Variants in RUFY3 observed in about 807,000 individuals in gnomAD.
The protein encoded by RUFY3 is protein RUFY3.
In RUFY3, 34 loss-of-function variants were observed where a neutral mutation model predicts 84.0. The observed-to-expected ratio is 0.40, with a 90% CI of 0.31 to 0.54. The LOEUF (loss-of-function observed/expected upper bound fraction) is 0.54. RUFY3 is among the 20% of genes least tolerant of loss of function. RUFY3 has a pLI of 0.39. For synonymous variants in RUFY3, 242 were observed against 252.9 expected, an observed-to-expected ratio of 0.96 and a Z score of 0.41; for missense variants, 507 against 736.8, an observed-to-expected ratio of 0.69 and a Z score of 3.61.
In RUFY3 at chr4:70,778,377, T is replaced by C. The variant is rs1322308902; in HGVS notation, c.833T>C (p.Val278Ala). The C allele has an allele frequency of 2.5e-6, 4 of 1,592,040 alleles. No homozygotes were observed. In the East Asian group the frequency reaches 9.0e-5, roughly 36 times the overall value. Residue 278 changes from valine to alanine, a missense_variant, in exon 8 of 18, where the codon GTA becomes GCA. By Grantham distance (64) the Val-to-Ala change is moderately conservative (BLOSUM62 0). This residue lies in a region of RUFY3 where 17 missense variants were observed against 54.7 expected (regional missense o/e 0.31). Transcript: ENST00000381006. ...TCTTCTCTATATTATAGTGCTACTG[T>C]AAACAACCTTCAGGCAAAAGTAGAT... Reference protein sequence around the residue: ...EELNRHLNATVNNLQAKVDAL... With the variant: ...EELNRHLNATANNLQAKVDAL...
At chr4:70,794,592 A>C in intron 13 of RUFY3, 2 of 544,862 alleles carry the variant, frequency 3.7e-6, no homozygotes, top group South Asian at 4.9e-5. Context: ...AAAAAGGTAG[A>C]GATTAGACAG....
At chr4:70,744,836 G>A (rs1721932364) in intron 1 of RUFY3, among the ~76,000 whole-genome samples, 1 of 151,172 alleles carries the variant, frequency 6.6e-6, no homozygotes, top group African/African-American at 2.4e-5. Context: ...TGCATTTTTA[G>A]TAGAGACAGG....
chr4:70,793,570 C>A, intron 12 of RUFY3: 1 of 1,430,554 alleles, frequency 7.0e-7, no homozygotes, highest in Non-Finnish European at 9.1e-7. Flanking sequence ...TTTTCCTCTG[C>A]CTGGTTCACC....
At chr4:70,728,201 G>A (rs1160052665) in intron 1 of RUFY3, among the ~76,000 whole-genome samples, 1 of 152,172 alleles carries the variant, frequency 6.6e-6, no homozygotes, top group East Asian at 1.9e-4. Flanking sequence ...CCTTAAACAT[G>A]CTTAGAAGAC....
chr4:70,738,628 C>T (rs1431010943), intron 1 of RUFY3, among the ~76,000 whole-genome samples: 2 of 151,960 alleles, frequency 1.3e-5, no homozygotes, highest in Non-Finnish European at 2.9e-5. Context: ...TCCCAAAGTG[C>T]TGGGATTACA....
At chr4:70,735,464 A>G (rs1400684035) in intron 1 of RUFY3, among the ~76,000 whole-genome samples, 1 of 152,236 alleles carries the variant, frequency 6.6e-6, no homozygotes, top group Non-Finnish European at 1.5e-5. Context: ...TTCTTCCCAA[A>G]TGGCTGCTAA....
chr4:70,755,440 T>G (rs576142903), intron 1 of RUFY3, among the ~76,000 whole-genome samples: 5 of 152,254 alleles, frequency 3.3e-5, no homozygotes, highest in Non-Finnish European at 7.3e-5. Flanking sequence ...GTATGAACAT[T>G]AGTCATTGCA....
chr4:70,783,620 T>G (rs1729298792), intron 9 of RUFY3, among the ~76,000 whole-genome samples: 1 of 152,270 alleles, frequency 6.6e-6, no homozygotes, highest in African/African-American at 2.4e-5. Context: ...TTTATACATG[T>G]CTAATTAGAA....
At chr4:70,733,137 G>A (rs13434622) in intron 1 of RUFY3, among the ~76,000 whole-genome samples, 1,570 of 86,398 alleles carry the variant, frequency 0.018, 24 homozygotes, top group Middle Eastern at 0.042. Flanking sequence ...AGGGAGGGAG[G>A]GAGAGAGAGA....
chr4:70,742,753 T>G (rs1721525365), intron 1 of RUFY3, among the ~76,000 whole-genome samples: 1 of 152,186 alleles, frequency 6.6e-6, no homozygotes, highest in Non-Finnish European at 1.5e-5. Context: ...CCTCAGTAGA[T>G]CTGGTCATTA....
intron 1 of RUFY3, among the ~76,000 whole-genome samples, chr4:70,729,809 A>G (rs567712708): frequency 1.3e-5 from 2 of 152,304 alleles, no homozygotes; most frequent in East Asian, 3.9e-4. Flanking sequence ...CTAAAGATGA[A>G]CATTAGTAGT....
At chr4:70,763,015 G>C (rs1317157650) in intron 2 of RUFY3, among the ~76,000 whole-genome samples, 1 of 152,200 alleles carries the variant, frequency 6.6e-6, no homozygotes, top group African/African-American at 2.4e-5. Context: ...TTGAGTTGTG[G>C]CAGAGTAGGT....
At chr4:70,782,575 A>G (rs552886716) in intron 8 of RUFY3, among the ~76,000 whole-genome samples, 2 of 151,926 alleles carry the variant, frequency 1.3e-5, no homozygotes, top group African/African-American at 2.4e-5. Flanking sequence ...GAGCCACTGC[A>G]CCTGGCCAAG....
At chr4:70,743,625 T>C (rs1440844487) in intron 1 of RUFY3, among the ~76,000 whole-genome samples, 3 of 152,246 alleles carry the variant, frequency 2.0e-5, no homozygotes, top group East Asian at 1.9e-4. Context: ...ATGGTTATTA[T>C]AGGTGAACTC....
chr4:70,784,746 C>G (rs761376790), intron 9 of RUFY3, 50 bp from the exon 10 acceptor site: 3 of 1,310,042 alleles, frequency 2.3e-6, no homozygotes, highest in Non-Finnish European at 3.1e-6. Context: ...GTGTCTAATT[C>G]TGTATAGATT....
chr4:70,708,642 GTAT>G (rs1273453174), intron 1 of RUFY3, among the ~76,000 whole-genome samples: 4 of 152,130 alleles, frequency 2.6e-5, no homozygotes, highest in Non-Finnish European at 4.4e-5. Flanking sequence ...TATTAAGGTG[GTAT>G]TATCTTTTTA....
At position 70,787,247 on chromosome 4, in the gene RUFY3, GATTT is replaced by G. The variant is rs1361677376; in HGVS notation, c.1072-1550_1072-1547del. ...ATTGACAGTATATAACATAATTTTAGATTTATTTATTTGTTTTTTTTTTTTTTTG... is the reference window on the plus strand; with the variant it reads ...ATTGACAGTATATAACATAATTTTAGATTTATTTGTTTTTTTTTTTTTTTG... On this transcript the variant is annotated intron_variant, in intron 10 of 17. Transcript: ENST00000381006. 3.1e-5 allele frequency among the ~76,000 whole-genome samples: 4 copies of G among 130,278 alleles called. No individual in the cohort carries two copies. In the Admixed American group the frequency reaches 3.1e-4, roughly 10 times the overall value. The allele number at this position is 130,278 out of a possible 152,430, so 85.5% of individuals were successfully genotyped here.
Position 70,794,894 on chromosome 4 carries a change from G to A in RUFY3, c.1557G>A (p.Met519Ile), listed in dbSNP as rs775161073. 1.9e-6 allele frequency: 3 copies of A among 1,569,618 alleles called. No individual in the cohort carries two copies. Among genetic ancestry groups the A allele is most frequent in the Admixed American group, 1.7e-5 (1 of 58,666 alleles). ...GTTCCCAGAAGTCAGAATCCAAGATGGTAATATTTGCTATTCCCTTGTTCT... is the reference window on the plus strand; with the variant it reads ...GTTCCCAGAAGTCAGAATCCAAGATAGTAATATTTGCTATTCCCTTGTTCT... ...GRGSQKSESK[M>I]DGKHKMQEEN... The change falls in exon 14 of 18, where the codon ATG becomes ATA. Residue 519 changes from methionine to isoleucine, a missense_variant and splice_region_variant. Met to Ile is a conservative substitution (Grantham distance 10). Around this residue, in one of 4 missense-constraint regions of RUFY3, gnomAD observed 334 missense variants for 364.1 expected, o/e 0.92. Transcript: ENST00000381006.
intron 7 of RUFY3, among the ~76,000 whole-genome samples, chr4:70,776,944 GAGAAGTAAAAATCCTT>G (rs1294077891): frequency 6.6e-6 from 1 of 152,082 alleles, no homozygotes; most frequent in Non-Finnish European, 1.5e-5. Context: ...TTTATCTTAG[GAGAAGTAAAAATCCTT>G]ACTGGATAAT....
Sources: gnomAD v4.1 joint callset for allele counts (sites outside exome capture counted in the v4.1 genomes callset) on GRCh38, gnomAD v4.1.1 for gene constraint, gnomAD v4.1.1 regional missense constraint, MANE v1.5 for transcripts, NCBI Gene and HGNC (gene_info 2026-07-23, HGNC 2026-07-21) for gene names.